Variants in CACNA2D3 observed in about 807,000 individuals in gnomAD.
CACNA2D3 encodes the protein voltage-dependent calcium channel subunit alpha-2/delta-3.
Under a neutral mutation model 160.6 loss-of-function variants are expected in CACNA2D3, and 60 were observed. That is an observed-to-expected ratio of 0.37 (90% CI 0.30 to 0.46). The LOEUF (loss-of-function observed/expected upper bound fraction) is 0.46. Among genes scored for constraint, CACNA2D3 ranks in the 20% least tolerant of loss-of-function variants. CACNA2D3 has a pLI of 1.00. For missense variants in CACNA2D3, 1,205 were observed against 1,365.0 expected (o/e 0.88, Z 1.85); for synonymous variants, 558 against 492.9 (o/e 1.13, Z -1.75).
At chr3:54,285,312 C>A (rs1210102348) in intron 2 of CACNA2D3, among the ~76,000 whole-genome samples, 1 of 152,184 alleles carries the variant, frequency 6.6e-6, no homozygotes, top group Non-Finnish European at 1.5e-5. Flanking sequence ...GGTCCTACGC[C>A]CACGAAGTCT....
intron 11 of CACNA2D3, among the ~76,000 whole-genome samples, chr3:54,677,134 CT>C (rs1700257554): frequency 2.6e-5 from 4 of 152,244 alleles, no homozygotes; most frequent in East Asian, 1.9e-4. Context: ...AGTTTACAAG[CT>C]TTTTTTGTGC....
intron 2 of CACNA2D3, among the ~76,000 whole-genome samples, chr3:54,125,189 T>A (rs1420673267): frequency 1.3e-5 from 2 of 152,120 alleles, no homozygotes; most frequent in Non-Finnish European, 2.9e-5. Flanking sequence ...ATATCTTTTA[T>A]CCCACATTTT....
At chr3:54,446,905 C>T (rs927587096) in intron 4 of CACNA2D3, among the ~76,000 whole-genome samples, 4 of 152,314 alleles carry the variant, frequency 2.6e-5, no homozygotes, top group Non-Finnish European at 4.4e-5. Flanking sequence ...TGTCTCTGAA[C>T]TCTCCAGCTC....
At chr3:54,246,748 A>G (rs566782642) in intron 2 of CACNA2D3, among the ~76,000 whole-genome samples, 5 of 151,556 alleles carry the variant, frequency 3.3e-5, no homozygotes, top group African/African-American at 7.3e-5. Flanking sequence ...AAAGAGCCAG[A>G]ATATCTCAGC....
chr3:54,308,185 C>T (rs1486763632), intron 2 of CACNA2D3, among the ~76,000 whole-genome samples: 1 of 152,182 alleles, frequency 6.6e-6, no homozygotes, highest in Non-Finnish European at 1.5e-5. Flanking sequence ...TGGTTAAGAG[C>T]ATGGACTCTG....
At chr3:54,170,505 T>A (rs1700542506) in intron 2 of CACNA2D3, among the ~76,000 whole-genome samples, 2 of 152,214 alleles carry the variant, frequency 1.3e-5, no homozygotes, top group African/African-American at 4.8e-5. Context: ...CAGTTTGGAA[T>A]GCCAAAATAT....
intron 3 of CACNA2D3, among the ~76,000 whole-genome samples, chr3:54,347,112 C>G (rs1030212742): frequency 6.6e-6 from 1 of 152,194 alleles, no homozygotes; most frequent in East Asian, 1.9e-4. Flanking sequence ...TTGATGGAGC[C>G]TTGACCACAG....
At chr3:55,067,266 CA>C (rs1704678265) in intron 35 of CACNA2D3, among the ~76,000 whole-genome samples, 1 of 152,116 alleles carries the variant, frequency 6.6e-6, no homozygotes, top group South Asian at 2.1e-4. Flanking sequence ...GGTCTGTCCT[CA>C]AGGAGTTTGA....
At chr3:54,810,289 G>T (rs763013698) in intron 13 of CACNA2D3, among the ~76,000 whole-genome samples, 1 of 152,222 alleles carries the variant, frequency 6.6e-6, no homozygotes, top group African/African-American at 2.4e-5. Context: ...AACCTGGAGA[G>T]ACCAGATGAG....
chr3:54,759,612 A>G (rs1702043939), intron 12 of CACNA2D3, among the ~76,000 whole-genome samples: 1 of 152,174 alleles, frequency 6.6e-6, no homozygotes, highest in Non-Finnish European at 1.5e-5. Flanking sequence ...CTTTTTATAC[A>G]TCTGCATCCC....
At chr3:54,459,019 G>A (rs183692975) in intron 4 of CACNA2D3, among the ~76,000 whole-genome samples, 18 of 152,088 alleles carry the variant, frequency 1.2e-4, no homozygotes, top group African/African-American at 3.6e-4. Flanking sequence ...GAGAACATGC[G>A]GTGTTTGGTT....
chr3:54,766,812 C>G (rs1274523457), intron 13 of CACNA2D3, among the ~76,000 whole-genome samples: 5 of 151,286 alleles, frequency 3.3e-5, no homozygotes, highest in Non-Finnish European at 7.4e-5. Context: ...GAATATACTT[C>G]TAAGTAAAAT....
intron 9 of CACNA2D3, among the ~76,000 whole-genome samples, chr3:54,604,755 G>T (rs899179435): frequency 6.6e-5 from 10 of 152,206 alleles, no homozygotes; most frequent in Middle Eastern, 3.4e-3. Context: ...GCCTTCCCCA[G>T]CCCCCACTTG....
rs78015352 is a variant in CACNA2D3 at position 54,907,162 on chromosome 3, C to T, written c.2449+7294C>T. Among the ~76,000 whole-genome samples the T allele has an allele frequency of 2.6e-5, 4 of 152,300 alleles. No homozygotes were observed. In the East Asian group the frequency reaches 5.8e-4, roughly 22 times the overall value. ...TACCTGCTTGTGTGTTCTAAATCAG[C>T]AAGTTAAGCCACTTCTTTTAGAGGT... is the stretch of plus-strand genomic sequence containing the variant. On this transcript the variant is annotated intron_variant, in intron 27 of 37. Coordinates refer to ENST00000474759, the MANE Select transcript of CACNA2D3 (RefSeq NM_018398.3).
chr3:54,538,667 G>A (rs974441992), intron 5 of CACNA2D3, among the ~76,000 whole-genome samples: 3 of 152,160 alleles, frequency 2.0e-5, no homozygotes, highest in Non-Finnish European at 2.9e-5. Flanking sequence ...CGTGTTCTGA[G>A]GGATTCACTG....
At chr3:54,289,590 G>A (rs1258886122) in intron 2 of CACNA2D3, among the ~76,000 whole-genome samples, 47 of 152,218 alleles carry the variant, frequency 3.1e-4, no homozygotes, top group South Asian at 6.2e-4. Context: ...AAAAGAGCCC[G>A]CATCACCAAG....
chr3:54,345,263 T>C (rs144437649), intron 3 of CACNA2D3, among the ~76,000 whole-genome samples: 6 of 152,368 alleles, frequency 3.9e-5, no homozygotes, highest in African/African-American at 1.4e-4. Flanking sequence ...TGCTGGGGTC[T>C]GGATCGGGAC....
chr3:54,856,998 C>G (rs896740923), intron 17 of CACNA2D3, among the ~76,000 whole-genome samples: 1 of 152,150 alleles, frequency 6.6e-6, no homozygotes, highest in Non-Finnish European at 1.5e-5. Flanking sequence ...CCAGGCTGGT[C>G]TCAAACTCCT....
intron 35 of CACNA2D3, among the ~76,000 whole-genome samples, chr3:55,068,313 GACA>G (rs1225758935): frequency 6.6e-6 from 1 of 152,206 alleles, no homozygotes; most frequent in Non-Finnish European, 1.5e-5. Context: ...TCAACCTAGA[GACA>G]ACAAGGTCTG....
Sources: gnomAD v4.1 joint callset for allele counts (sites outside exome capture counted in the v4.1 genomes callset) on GRCh38, gnomAD v4.1.1 for gene constraint, MANE v1.5 for transcripts, NCBI Gene and HGNC (gene_info 2026-07-23, HGNC 2026-07-21) for gene names.